Variants in PSD2 observed in about 807,000 individuals in gnomAD.
PSD2 encodes the protein pleckstrin and Sec7 domain containing 2.
A neutral mutation model predicts 69.8 loss-of-function variants in PSD2; 38 were observed. That is an observed-to-expected ratio of 0.54 (90% confidence interval 0.42 to 0.71). PSD2 has a LOEUF of 0.71. Ranked by LOEUF, PSD2 falls within the 30% of genes least tolerant of loss-of-function variation. The pLI, the probability that PSD2 is intolerant of heterozygous loss-of-function variation, is 0.00. For synonymous variants in PSD2, 412 were observed against 423.0 expected (o/e 0.97, Z 0.32); for missense variants, 943 against 1,014.5 (o/e 0.93, Z 0.96).
upstream of PSD2, among the ~76,000 whole-genome samples, chr5:139,795,516 A>G (rs771920296): frequency 9.2e-5 from 14 of 152,140 alleles, no homozygotes; most frequent in Non-Finnish European, 1.9e-4. This position sits in a 1 kb window ranked among gnomAD's most constrained non-coding sequence, Gnocchi z 4.5. Context: ...GGGTTCGAGG[A>G]CGGCAGGGGC....
chr5:139,814,192 C>A lies in PSD2; in HGVS notation c.844C>A (p.Leu282Met), dbSNP rs560146689. 1.2e-5 allele frequency: 20 copies of A among 1,613,658 alleles called. 1 individual carries two copies. In the African/African-American group the frequency reaches 1.5e-4, roughly 12 times the overall value. Residue 282 changes from leucine to methionine, a missense_variant, in exon 4 of 15, where the codon CTG (leucine) becomes ATG (methionine). By Grantham distance (15) the Leu-to-Met change is conservative. Around this residue, in one of 3 missense-constraint regions of PSD2, gnomAD observed 466 missense variants for 445.0 expected, o/e 1.05. Coordinates refer to ENST00000274710, the MANE Select transcript of PSD2 (RefSeq NM_032289.4). The surrounding 1 kb of genome is among the most constrained non-coding windows in gnomAD (Gnocchi z 4.4). ...SASDPSLKDG[L>M]SDSDSELSSS... ...CAGTGACCCCAGCCTGAAGGATGGC[C>A]TGTCAGACTCAGACTCTGAGCTCAG...
At chr5:139,788,684 C>T in the PSD2 span, among the ~76,000 whole-genome samples, 1 of 152,218 alleles carries the variant, frequency 6.6e-6, no homozygotes, top group South Asian at 2.1e-4. Flanking sequence ...AGATGCCGTT[C>T]TGGGCCAGGC....
At chr5:139,822,861 A>G in intron 7 of PSD2, 77 bp downstream of exon 7, 1 of 1,329,660 alleles carries the variant, frequency 7.5e-7, no homozygotes, top group Non-Finnish European at 1.0e-6. Context: ...CCCCTTCCTG[A>G]GATCTCTTAC....
chr5:139,821,894 A>G lies in PSD2; in HGVS notation c.1099A>G (p.Thr367Ala), dbSNP rs1005037339. 2 of 1,600,744 alleles carry G rather than the reference A, an allele frequency of 1.2e-6. No individual in the cohort carries two copies. The highest frequency in any genetic ancestry group is 1.1e-5 in the South Asian group (1 of 89,018). The change falls in exon 6 of 15, where the codon ACA becomes GCA. Residue 367 changes from threonine (T) to alanine (A), a missense_variant and splice_region_variant. This residue lies in a region of PSD2 where 312 missense variants were observed against 400.7 expected (regional missense o/e 0.78). Transcript: ENST00000274710. ...SGLTLDGALR[T>A]FLKAFPLMGE... is the part of the protein sequence containing the mutation. ...CAGCAGCTTTGAATTGCCTTCCAGA[A>G]CATTCTTGAAGGCCTTCCCGCTGAT...
chr5:139,766,463 C>T, the PSD2 span, among the ~76,000 whole-genome samples: 2 of 152,144 alleles, frequency 1.3e-5, no homozygotes, highest in Non-Finnish European at 2.9e-5. Context: ...TCTCCCTGTC[C>T]CACAATATGG....
At chr5:139,840,256 AGCCTAGTGATAAAGGG>A in intron 14 of PSD2, 86 bp downstream of exon 14, 2 of 1,468,892 alleles carry the variant, frequency 1.4e-6, no homozygotes, top group Non-Finnish European at 1.9e-6. Flanking sequence ...GGGGAGGTGA[AGCCTAGTGATAAAGGG>A]GCTCATTGAT....
chr5:139,824,369 A>C (rs1345043253), intron 7 of PSD2, among the ~76,000 whole-genome samples: 1 of 150,840 alleles, frequency 6.6e-6, no homozygotes, highest in African/African-American at 2.4e-5. Flanking sequence ...CAGCAGACAG[A>C]CACTGAGGCT....
rs149216733 is a variant in PSD2, at chr5:139,823,760, T to C, written c.1269+976T>C. Among the ~76,000 whole-genome samples, 17 of 152,244 alleles carry C rather than the reference T, an allele frequency of 1.1e-4. No individual in the cohort carries two copies. In the East Asian group the frequency reaches 3.3e-3, roughly 29 times the overall value. Reference sequence around the variant, plus strand: ...GTAAGGATTTCATTATGAAGAAAATTGTTACGTAAAAAGAACAATAGTATT... The same window carrying C: ...GTAAGGATTTCATTATGAAGAAAATCGTTACGTAAAAAGAACAATAGTATT... On this transcript the variant is annotated intron_variant, in intron 7 of 14. Transcript: ENST00000274710.
chr5:139,763,049 C>T, the PSD2 span, among the ~76,000 whole-genome samples: 3 of 152,110 alleles, frequency 2.0e-5, no homozygotes, highest in African/African-American at 7.2e-5. Context: ...AAAAATTAGG[C>T]TAACCTTGTT....
chr5:139,749,503 G>C, the PSD2 span, among the ~76,000 whole-genome samples: 1 of 152,204 alleles, frequency 6.6e-6, no homozygotes, highest in African/African-American at 2.4e-5. Flanking sequence ...TCTCACCATG[G>C]ATCCTCCCCA....
chr5:139,756,194 T>C, the PSD2 span, among the ~76,000 whole-genome samples: 48 of 152,226 alleles, frequency 3.2e-4, no homozygotes, highest in African/African-American at 1.2e-3. Context: ...TTCCTTTTTA[T>C]TGGGTCATTA....
At chr5:139,833,853 G>C (rs1243724949) in intron 8 of PSD2, 62 bp downstream of exon 8, 6 of 1,260,586 alleles carry the variant, frequency 4.8e-6, no homozygotes, top group Non-Finnish European at 7.0e-6. Flanking sequence ...AGAGGAGAGA[G>C]GTCTGTGCCT....
At chr5:139,754,875 A>C in the PSD2 span, among the ~76,000 whole-genome samples, 1 of 147,604 alleles carries the variant, frequency 6.8e-6, no homozygotes, top group Non-Finnish European at 1.5e-5. Flanking sequence ...TCAAAAAAAA[A>C]CAAAAACAAA....
chr5:139,760,408 C>T, the PSD2 span, among the ~76,000 whole-genome samples: 1 of 152,144 alleles, frequency 6.6e-6, no homozygotes, highest in Non-Finnish European at 1.5e-5. Flanking sequence ...CACAGGTGTG[C>T]TCACAGATGC....
At chr5:139,813,035 T>G (rs1581718449) in intron 2 of PSD2, among the ~76,000 whole-genome samples, 2 of 152,094 alleles carry the variant, frequency 1.3e-5, no homozygotes, top group African/African-American at 4.8e-5. Flanking sequence ...GGACTGGGGC[T>G]TCTTAGAGCA....
chr5:139,820,427 T>C (rs923152381), intron 5 of PSD2, among the ~76,000 whole-genome samples: 1 of 152,098 alleles, frequency 6.6e-6, no homozygotes, highest in African/African-American at 2.4e-5. Context: ...AGTGCTATTA[T>C]GCAGCAGTTG....
At chr5:139,822,036 TC>T in intron 6 of PSD2, 31 bp downstream of exon 6, 2 of 1,432,448 alleles carry the variant, frequency 1.4e-6, no homozygotes, top group Non-Finnish European at 1.9e-6. Flanking sequence ...TGCCTGACCC[TC>T]CCCACCCACT....
chr5:139,766,933 CTTTCTTTCTTT>C, the PSD2 span, among the ~76,000 whole-genome samples: 718 of 50,896 alleles, frequency 0.014, 39 homozygotes, highest in African/African-American at 0.03. Flanking sequence ...TCCTTCCCTT[CTTTCTTTCTTT>C]CTTTCTTTCT....
At chr5:139,828,064 C>T (rs566502799) in intron 7 of PSD2, among the ~76,000 whole-genome samples, 67 of 151,972 alleles carry the variant, frequency 4.4e-4, no homozygotes, top group Non-Finnish European at 7.4e-4. Context: ...TGGGTGATGA[C>T]GGGTCAGCAA....
Sources: allele counts gnomAD v4.1 joint callset (sites outside exome capture counted in the v4.1 genomes callset), GRCh38; gene constraint gnomAD v4.1.1; regional missense constraint gnomAD v4.1.1; non-coding constraint Gnocchi (gnomAD v3.1); transcripts MANE v1.5; gene names NCBI Gene and HGNC (gene_info 2026-07-23, HGNC 2026-07-21).